CADPS: variants seen among roughly 807,000 people sequenced by gnomAD.
The protein encoded by CADPS is calcium dependent secretion activator, also known as calcium-dependent secretion activator 1.
In CADPS, 57 loss-of-function variants were observed where a neutral mutation model predicts 167.3. That is an observed-to-expected ratio of 0.34 (90% CI 0.28 to 0.42). The LOEUF (loss-of-function observed/expected upper bound fraction) is 0.42, where lower values mean the gene tolerates loss of function less well. Among genes scored for constraint, CADPS ranks in the 20% least tolerant of loss-of-function variants. CADPS has a pLI of 1.00. For synonymous variants in CADPS, 676 were observed against 635.3 expected, an observed-to-expected ratio of 1.06 and a Z score of -0.96; for missense variants, 1,414 against 1,738.1, an observed-to-expected ratio of 0.81 and a Z score of 3.32.
At chr3:62,576,932 G>A (rs924845666) in intron 8 of CADPS, among the ~76,000 whole-genome samples, 1 of 149,294 alleles carries the variant, frequency 6.7e-6, no homozygotes, top group African/African-American at 2.5e-5. Context: ...TGATTTGAAT[G>A]TATCCTCTCT....
Position 62,474,170 on chromosome 3 carries a change from T to TTTTTTTTTTTTTTTTACA in CADPS, c.3477+2_3477+3insTGTAAAAAAAAAAAAAAA. ...AAATCTGTATTTTTTTTTTTTTTTT[T>TTTTTTTTTTTTTTTTACA]ACCTCTTGGCCCATTTCCATGCTGC... On this transcript the variant is annotated splice_region_variant and intron_variant, in intron 24 of 29. Transcript: ENST00000383710. 1 of 1,475,398 alleles carries TTTTTTTTTTTTTTTTACA rather than the reference T, an allele frequency of 6.8e-7. No individual in the cohort carries two copies. The highest frequency in any genetic ancestry group is 9.0e-7 in the Non-Finnish European group (1 of 1,105,886). 91.4% of individuals were successfully genotyped at this position (1,475,398 alleles called of 1,614,324 possible). A position where few individuals can be genotyped will look rare whatever the true frequency, so the allele number is the denominator to read the frequency against.
chr3:62,806,673 G>A (rs2094118607), intron 1 of CADPS, among the ~76,000 whole-genome samples: 1 of 152,152 alleles, frequency 6.6e-6, no homozygotes. Flanking sequence ...AGGACATACA[G>A]CTAGTAATTG....
intron 1 of CADPS, among the ~76,000 whole-genome samples, chr3:62,794,736 A>G (rs2093252305): frequency 1.4e-5 from 2 of 142,012 alleles, no homozygotes; most frequent in Admixed American, 1.4e-4. Context: ...TCTGTGGGCT[A>G]GAGAATCTGT....
chr3:62,798,303 A>G (rs2093566886), intron 1 of CADPS, among the ~76,000 whole-genome samples: 1 of 152,142 alleles, frequency 6.6e-6, no homozygotes, highest in African/African-American at 2.4e-5. Context: ...TAAAGCAGGC[A>G]GAAGAACGTG....
intron 8 of CADPS, among the ~76,000 whole-genome samples, chr3:62,577,357 T>C (rs1000672205): frequency 6.6e-6 from 1 of 152,156 alleles, no homozygotes; most frequent in African/African-American, 2.4e-5. Context: ...GCACAATAGG[T>C]CTCTTGAACT....
intron 3 of CADPS, among the ~76,000 whole-genome samples, chr3:62,696,265 G>A (rs1409131286): frequency 6.6e-6 from 1 of 152,134 alleles, no homozygotes; most frequent in Non-Finnish European, 1.5e-5. Context: ...AAGCTGCAGG[G>A]TGGGAGAGGG....
chr3:62,843,579 T>A (rs2076950568), intron 1 of CADPS, among the ~76,000 whole-genome samples: 1 of 151,954 alleles, frequency 6.6e-6, no homozygotes, highest in Non-Finnish European at 1.5e-5. Context: ...GGACTCAACC[T>A]CATCTGGGTG....
At chr3:62,726,334 C>T (rs1314892524) in intron 3 of CADPS, among the ~76,000 whole-genome samples, 1 of 151,914 alleles carries the variant, frequency 6.6e-6, no homozygotes, top group Non-Finnish European at 1.5e-5. Flanking sequence ...CTTCATTTCT[C>T]CTCATAGCAT....
chr3:62,406,747 G>T (rs779826439), intron 28 of CADPS, among the ~76,000 whole-genome samples: 48 of 152,200 alleles, frequency 3.2e-4, no homozygotes, highest in Admixed American at 5.2e-4. Context: ...TTCTGTGAAG[G>T]TTTTGAACTT....
chr3:62,828,861 T>A (rs1559816115), intron 1 of CADPS, among the ~76,000 whole-genome samples: 1 of 152,152 alleles, frequency 6.6e-6, no homozygotes, highest in Non-Finnish European at 1.5e-5. Flanking sequence ...GGCCTACCTG[T>A]GTTTTCTCTT....
chr3:62,417,068 G>C (rs2050207234), intron 28 of CADPS, among the ~76,000 whole-genome samples: 3 of 151,752 alleles, frequency 2.0e-5, no homozygotes. Flanking sequence ...CATTTTTCTA[G>C]CTTCGCATTT....
At chr3:62,684,536 C>T (rs1203720858) in intron 3 of CADPS, among the ~76,000 whole-genome samples, 9 of 152,064 alleles carry the variant, frequency 5.9e-5, no homozygotes, top group Non-Finnish European at 2.9e-5. Flanking sequence ...AGATTTTTAT[C>T]CTCAATTCAG....
At chr3:62,529,249 A>C (rs1413118397) in intron 13 of CADPS, among the ~76,000 whole-genome samples, 3 of 152,216 alleles carry the variant, frequency 2.0e-5, no homozygotes, top group Non-Finnish European at 4.4e-5. Context: ...TTATTAAAAA[A>C]ATGCAATGCA....
At chr3:62,489,381 C>A (rs1561128300) in intron 21 of CADPS, among the ~76,000 whole-genome samples, 1 of 152,140 alleles carries the variant, frequency 6.6e-6, no homozygotes, top group South Asian at 2.1e-4. Context: ...AGGATGTTCT[C>A]GATCCCCTGA....
chr3:62,466,525 T>C, intron 24 of CADPS, 112 bp from the exon 25 acceptor site: 1 of 719,876 alleles, frequency 1.4e-6, no homozygotes, highest in Non-Finnish European at 2.5e-6. Flanking sequence ...GCGGACCCCG[T>C]TTATTTCCTT....
chr3:62,629,035 T>G (rs2064732077), intron 6 of CADPS, among the ~76,000 whole-genome samples: 1 of 152,072 alleles, frequency 6.6e-6, no homozygotes, highest in Non-Finnish European at 1.5e-5. Flanking sequence ...GCCCCCCACT[T>G]CTCTCCTTAT....
intron 1 of CADPS, among the ~76,000 whole-genome samples, chr3:62,823,475 AT>A (rs369071052): frequency 3.3e-5 from 5 of 152,290 alleles, no homozygotes; most frequent in African/African-American, 1.2e-4. Flanking sequence ...ATGCAGTACG[AT>A]TTTTAAATGA....
At chr3:62,550,546 C>T (rs747643156) in intron 10 of CADPS, among the ~76,000 whole-genome samples, 31 of 152,104 alleles carry the variant, frequency 2.0e-4, no homozygotes, top group African/African-American at 5.6e-4. Context: ...AGTACCCATA[C>T]GAACCCCCTG....
intron 1 of CADPS, among the ~76,000 whole-genome samples, chr3:62,793,706 A>T (rs141703397): frequency 6.6e-6 from 1 of 152,156 alleles, no homozygotes; most frequent in Admixed American, 6.5e-5. Flanking sequence ...TTCACATACA[A>T]TTTTTTTAAA....
Sources: allele counts gnomAD v4.1 joint callset (sites outside exome capture counted in the v4.1 genomes callset), GRCh38; gene constraint gnomAD v4.1.1; transcripts MANE v1.5; gene names NCBI Gene and HGNC (gene_info 2026-07-23, HGNC 2026-07-21).